The following IAH1 variants were observed in gnomAD, a reference collection of about 807,000 sequenced individuals.
IAH1 encodes the protein isoamyl acetate hydrolyzing esterase 1 (putative), also known as isoamyl acetate-hydrolyzing esterase 1 homolog.
IAH1 carries 24 observed loss-of-function variants against 26.7 expected under a neutral mutation model. The ratio of observed to expected loss-of-function variants is 0.90; its 90% CI spans 0.65 to 1.26. The LOEUF (loss-of-function observed/expected upper bound fraction) is 1.26. IAH1 is among the 50% of genes most tolerant of loss of function. The pLI is 0.00. For synonymous variants in IAH1, 140 were observed against 118.5 expected (o/e 1.18, Z -1.18); for missense variants, 300 against 299.9 (o/e 1.00, Z 0.00).
At chr2:9,494,554 G>C (rs1463348755), downstream of IAH1, 7 of 1,520,716 alleles carry the variant, frequency 4.6e-6, no homozygotes, top group Non-Finnish European at 6.3e-6. Flanking sequence ...GTTTTGATTT[G>C]TTTTCATCTG....
downstream of IAH1, chr2:9,496,992 C>T: frequency 2.1e-6 from 3 of 1,451,374 alleles, no homozygotes; most frequent in Middle Eastern, 2.2e-4. Context: ...TCCCCATCCC[C>T]TCATCCTCGG....
the IAH1 span, among the ~76,000 whole-genome samples, chr2:9,503,023 C>T: frequency 6.6e-6 from 1 of 151,608 alleles, no homozygotes; most frequent in Non-Finnish European, 1.5e-5. Context: ...GCCTGTAATC[C>T]CAGCTACTCG....
At chr2:9,484,840 T>C (rs1572848976) in intron 5 of IAH1, 2 of 313,636 alleles carry the variant, frequency 6.4e-6, no homozygotes, top group African/African-American at 2.1e-5. Flanking sequence ...TCTTCTTTCA[T>C]ACAGAGAATG....
At chr2:9,487,831 T>TGCGCGCGC (rs1228516853) in intron 5 of IAH1, among the ~76,000 whole-genome samples, 3 of 80,170 alleles carry the variant, frequency 3.7e-5, no homozygotes, top group Non-Finnish European at 8.4e-5. Context: ...TGTGTGTGTG[T>TGCGCGCGC]GTGCGCGCGC....
downstream of IAH1, among the ~76,000 whole-genome samples, chr2:9,490,869 T>C (rs140991339): frequency 6.6e-6 from 1 of 152,156 alleles, no homozygotes; most frequent in South Asian, 2.1e-4. Flanking sequence ...GCTAAATCAC[T>C]CCTTATGGCT....
chr2:9,487,791 TG>T (rs1661626353), intron 5 of IAH1, among the ~76,000 whole-genome samples: 10 of 52,106 alleles, frequency 1.9e-4, no homozygotes, highest in African/African-American at 3.1e-4. Context: ...GGCCTTTTTG[TG>T]TGTGTGTGTG....
At chr2:9,494,113 C>T (rs762941145), downstream of IAH1, among the ~76,000 whole-genome samples, 3 of 152,162 alleles carry the variant, frequency 2.0e-5, no homozygotes, top group Admixed American at 1.3e-4. Flanking sequence ...AAGGACTCTA[C>T]ACATACACAG....
At chr2:9,500,372 A>AG (rs1662926145), downstream of IAH1, among the ~76,000 whole-genome samples, 1 of 152,250 alleles carries the variant, frequency 6.6e-6, no homozygotes, top group African/African-American at 2.4e-5. Context: ...CATAAAGAAT[A>AG]GGGTGGTTAG....
At position 9,488,501 on chromosome 2, in the gene IAH1, A is replaced by AT. The variant is rs1661770941; in HGVS notation, c.*175dup. ...CTTAGGTCCATTGTGTTTCGACAGT[A>AT]TTTATTAATGCAGATATCAGTGCTA... On this transcript the variant is annotated 3_prime_UTR_variant, in exon 6 of 6. Coordinates refer to ENST00000497473, the MANE Select transcript of IAH1 (RefSeq NM_001039613.3). The AT allele has an allele frequency of 2.0e-6, 1 of 494,822 alleles. No homozygotes were observed. The highest frequency in any genetic ancestry group is 3.5e-6 in the Non-Finnish European group (1 of 286,308). 30.7% of individuals were successfully genotyped at this position (494,822 alleles called of 1,614,324 possible).
intron 2 of IAH1, among the ~76,000 whole-genome samples, chr2:9,477,632 A>G (rs1216915800): frequency 6.6e-6 from 1 of 150,768 alleles, no homozygotes; most frequent in Non-Finnish European, 1.5e-5. Context: ...CTAGTCACAC[A>G]GGGAGCCGAG....
intron 2 of IAH1, among the ~76,000 whole-genome samples, chr2:9,478,014 G>T (rs779382994): frequency 1.4e-4 from 22 of 152,126 alleles, no homozygotes; most frequent in Non-Finnish European, 2.9e-4. Flanking sequence ...TCACGGAGGA[G>T]TATGGTGTAT....
Position 9,478,330 on chromosome 2 carries a change from A to G in IAH1, c.243A>G (p.Ala81=). ...GAAACAGTTTGGACATCCCAGTAGC[A>G]GTTACAATTTTCTTTGGGGCCAATG... The part of the protein sequence containing the change: ...RKGNSLDIPV[A]VTIFFGANDS... Residue 81 remains alanine, a synonymous_variant, in exon 3 of 6, where the codon GCA becomes GCG. Coordinates refer to ENST00000497473, the MANE Select transcript of IAH1 (RefSeq NM_001039613.3). 3 of 1,611,878 alleles carry G rather than the reference A, an allele frequency of 1.9e-6. No homozygotes were observed. Among genetic ancestry groups the G allele is most frequent in the South Asian group, 1.1e-5 (1 of 90,586 alleles).
At position 9,488,302 on chromosome 2, in the gene IAH1, A is replaced by C; in HGVS notation, c.720A>C (p.Leu240Phe). 1 of 1,610,440 alleles carries C rather than the reference A, an allele frequency of 6.2e-7. No homozygotes were observed. The highest frequency in any genetic ancestry group is 8.5e-7 in the Non-Finnish European group (1 of 1,178,868). Residue 240 changes from leucine to phenylalanine, a missense_variant, in exon 6 of 6, where the codon TTA becomes TTC. Transcript: ENST00000497473. ...WRDVAEAKPE[L>F]SLLGDGDH ...ATGTAGCAGAAGCAAAACCTGAATT[A>C]AGTCTGCTGGGAGATGGAGACCATT...
the IAH1 span, among the ~76,000 whole-genome samples, chr2:9,504,994 G>C: frequency 6.6e-6 from 1 of 152,070 alleles, no homozygotes; most frequent in African/African-American, 2.4e-5. Flanking sequence ...GTGAGCCACC[G>C]TGCCAGGCCC....
the IAH1 span, chr2:9,510,143 T>G: frequency 6.2e-7 from 1 of 1,613,942 alleles, no homozygotes; most frequent in South Asian, 1.1e-5. Context: ...TTAAGGATCA[T>G]GCAAAGAAAA....
downstream of IAH1, among the ~76,000 whole-genome samples, chr2:9,499,514 G>A (rs968610075): frequency 2.0e-5 from 3 of 151,990 alleles, no homozygotes; most frequent in Non-Finnish European, 4.4e-5. Flanking sequence ...CCATTCTCCT[G>A]CCTCAGCCTC....
the IAH1 span, among the ~76,000 whole-genome samples, chr2:9,508,039 G>A: frequency 1.3e-5 from 2 of 152,252 alleles, no homozygotes; most frequent in East Asian, 3.9e-4. Flanking sequence ...CTGTTTTGAA[G>A]AGCCCCAGAA....
chr2:9,480,254 G>A (rs1209854652), intron 3 of IAH1, among the ~76,000 whole-genome samples: 2 of 152,140 alleles, frequency 1.3e-5, no homozygotes, highest in Non-Finnish European at 2.9e-5. Context: ...GCCAGGCGTG[G>A]TGGCTCATGC....
intron 6 of IAH1, among the ~76,000 whole-genome samples, chr2:9,495,339 T>C (rs1227052292): frequency 1.3e-5 from 2 of 152,222 alleles, no homozygotes; most frequent in African/African-American, 2.4e-5. Flanking sequence ...TACATAAGAA[T>C]GGCAGAAATG....
Sources: allele counts gnomAD v4.1 joint callset (sites outside exome capture counted in the v4.1 genomes callset), GRCh38; gene constraint gnomAD v4.1.1; transcripts MANE v1.5; gene names NCBI Gene and HGNC (gene_info 2026-07-23, HGNC 2026-07-21).